The following JAKMIP3 variants were observed in gnomAD, a reference collection of about 807,000 sequenced individuals.
JAKMIP3 encodes janus kinase and microtubule-interacting protein 3.
Under a neutral mutation model 118.5 loss-of-function variants are expected in JAKMIP3, and 58 were observed. That is an observed-to-expected ratio of 0.49 (90% CI 0.40 to 0.61). The LOEUF is 0.61. Among genes scored for constraint, JAKMIP3 ranks in the 20% least tolerant of loss-of-function variants. The probability of loss-of-function intolerance (pLI) is 0.00; values close to 1 mark genes in which losing one functional copy is unlikely to be tolerated. For synonymous variants in JAKMIP3, 486 were observed against 451.2 expected, an observed-to-expected ratio of 1.08 and a Z score of -0.98; for missense variants, 950 against 1,109.0, an observed-to-expected ratio of 0.86 and a Z score of 2.04.
rs1564972200 is a variant in JAKMIP3, at chr10:132,153,748, T to C, written c.2074-11T>C. 6.2e-7 allele frequency: 1 copy of C among 1,612,802 alleles called. No individual in the cohort carries two copies. The highest frequency in any genetic ancestry group is 8.5e-7 in the Non-Finnish European group (1 of 1,179,582). On this transcript the variant is annotated splice_polypyrimidine_tract_variant and intron_variant, in intron 17 of 23. Transcript: ENST00000684848. ...AGGGGTCACTGTCCTGCTTGTTCTG[T>C]TTGTGTCCAGTGGCTCCAGCAGATT...
chr10:132,177,465 T>C (rs1019906406), intron 23 of JAKMIP3, among the ~76,000 whole-genome samples: 2 of 151,330 alleles, frequency 1.3e-5, no homozygotes, highest in Non-Finnish European at 2.9e-5. Context: ...TGCATGTGTG[T>C]GTGCACACTG....
intron 23 of JAKMIP3, among the ~76,000 whole-genome samples, chr10:132,178,013 G>A (rs1219157687): frequency 6.6e-6 from 1 of 151,896 alleles, no homozygotes; most frequent in Non-Finnish European, 1.5e-5. Context: ...TGTGCACACT[G>A]TGCATTTGGT....
At chr10:132,145,938 G>T (rs1371753597) in intron 13 of JAKMIP3, among the ~76,000 whole-genome samples, 1 of 152,234 alleles carries the variant, frequency 6.6e-6, no homozygotes, top group Non-Finnish European at 1.5e-5. Context: ...ATCCCCCTGG[G>T]AAGCCTGGCT....
rs768928174 is a variant in JAKMIP3, at chr10:132,167,067, G to A, written c.*22+12G>A. The A allele has an allele frequency of 3.0e-5, 46 of 1,535,884 alleles. No homozygotes were observed. Among genetic ancestry groups the A allele is most frequent in the East Asian group, 7.4e-5 (3 of 40,808 alleles). ...GGCACCCTGACGTGGTGAGTATTTC[G>A]TTGGCAGGGCCCAGCAGGGGTCCCG... On this transcript the variant is annotated intron_variant, in intron 22 of 23. Transcript: ENST00000684848.
At chr10:132,143,745 G>C (rs1438444057) in intron 11 of JAKMIP3, 2 of 152,198 alleles carry the variant, frequency 1.3e-5, no homozygotes, top group African/African-American at 2.4e-5. Context: ...GATAAGGAAG[G>C]GGGCAGGAGA....
intron 2 of JAKMIP3, among the ~76,000 whole-genome samples, chr10:132,116,221 G>A (rs1039013413): frequency 2.6e-5 from 4 of 152,232 alleles, no homozygotes; most frequent in Non-Finnish European, 4.4e-5. Flanking sequence ...CTTTCAGCGC[G>A]TTACAGATTC....
upstream of JAKMIP3, among the ~76,000 whole-genome samples, chr10:132,064,831 A>G (rs1456974220): frequency 4.6e-5 from 7 of 151,718 alleles, no homozygotes; most frequent in Admixed American, 4.6e-4. The surrounding 1 kb of genome is among the most constrained non-coding windows in gnomAD (Gnocchi z 4.4). Context: ...ATCCTCTGAC[A>G]TGTTATCATC....
chr10:132,074,809 A>G (rs2040517263), intron 1 of JAKMIP3, among the ~76,000 whole-genome samples: 1 of 152,146 alleles, frequency 6.6e-6, no homozygotes, highest in South Asian at 2.1e-4. Flanking sequence ...TATAGTTTTC[A>G]GTCTTACTTT....
At chr10:132,107,815 C>G (rs2046147467) in intron 2 of JAKMIP3, among the ~76,000 whole-genome samples, 1 of 152,246 alleles carries the variant, frequency 6.6e-6, no homozygotes, top group Non-Finnish European at 1.5e-5. Flanking sequence ...GCTGATACTG[C>G]AGCCCTGTAC....
chr10:132,100,812 A>G (rs12355105), intron 1 of JAKMIP3, among the ~76,000 whole-genome samples: 7,016 of 126,918 alleles, frequency 0.055, 341 homozygotes, highest in East Asian at 0.32. Context: ...CGCGCTCCCC[A>G]TTCTCTCTGC....
At chr10:132,062,253 T>A (rs927419101), upstream of JAKMIP3, among the ~76,000 whole-genome samples, 1 of 151,964 alleles carries the variant, frequency 6.6e-6, no homozygotes, top group African/African-American at 2.4e-5. Context: ...GCTTGGGAGG[T>A]GTCGGGAGAC....
chr10:132,067,356 C>T (rs894660625), intron 1 of JAKMIP3, among the ~76,000 whole-genome samples: 4 of 152,162 alleles, frequency 2.6e-5, no homozygotes, highest in Admixed American at 2.6e-4. Context: ...CCTGTGAAAC[C>T]TAAGGGCACG....
At chr10:132,121,621 C>G (rs1179272240) in intron 3 of JAKMIP3, among the ~76,000 whole-genome samples, 2 of 152,170 alleles carry the variant, frequency 1.3e-5, no homozygotes, top group East Asian at 3.9e-4. Flanking sequence ...TGGCCTCCAC[C>G]CCCAGGTGTG....
In JAKMIP3 at chr10:132,153,782, A is replaced by G. The variant is rs1270880046; in HGVS notation, c.2097A>G (p.Thr699=). 1 of 1,613,070 alleles carries G rather than the reference A, an allele frequency of 6.2e-7. No homozygotes were observed. The highest frequency in any genetic ancestry group is 1.7e-5 in the Admixed American group (1 of 60,032). Residue 699 remains threonine, a synonymous_variant, in exon 18 of 24, where the codon ACA becomes ACG. Coordinates refer to ENST00000684848, the MANE Select transcript of JAKMIP3 (RefSeq NM_001323087.2). ...AGTGGCTCCAGCAGATTGAGGAGAC[A>G]GAGGCGGCGCTGCAGCGGAAGATGG... is the stretch of plus-strand genomic sequence containing the variant. The part of the protein sequence containing the change: ...AEKWLQQIEE[T]EAALQRKMVD...
rs978994156 is a variant in JAKMIP3 at position 132,168,724 on chromosome 10, G to A, written c.*794G>A. 15 of 276,386 alleles carry A rather than the reference G, an allele frequency of 5.4e-5. No homozygotes were observed. The highest frequency in any genetic ancestry group is 1.3e-3 in the Middle Eastern group (1 of 756). The allele number at this position is 276,386 out of a possible 1,614,324, so 17.1% of individuals were successfully genotyped here. Reference sequence around the variant, plus strand: ...CTGAGCCAAGGAAGGCGTGGGGAGCGTGGTGACAGGAGGTGGGACGAGGGG... The same window carrying A: ...CTGAGCCAAGGAAGGCGTGGGGAGCATGGTGACAGGAGGTGGGACGAGGGG... On this transcript the variant is annotated 3_prime_UTR_variant, in exon 23 of 24. Coordinates refer to ENST00000684848, the MANE Select transcript of JAKMIP3 (RefSeq NM_001323087.2).
intron 1 of JAKMIP3, among the ~76,000 whole-genome samples, chr10:132,070,655 G>C (rs933679226): frequency 7.2e-5 from 11 of 152,170 alleles, no homozygotes; most frequent in Admixed American, 7.2e-4. Context: ...AACAGACCTT[G>C]GTACCTTCCT....
At chr10:132,064,198 G>T (rs1232337353), upstream of JAKMIP3, among the ~76,000 whole-genome samples, 1 of 152,184 alleles carries the variant, frequency 6.6e-6, no homozygotes, top group African/African-American at 2.4e-5. This position sits in a 1 kb window ranked among gnomAD's most constrained non-coding sequence, Gnocchi z 4.4. Flanking sequence ...CAACACTGCC[G>T]TAAGCATCCC....
At chr10:132,042,211 C>CTTCCTTCCTTCCTTCT (rs1554909356) in intron 1 of JAKMIP3, among the ~76,000 whole-genome samples, 1 of 150,386 alleles carries the variant, frequency 6.6e-6, no homozygotes, top group Non-Finnish European at 1.5e-5. Context: ...TCCTTCCTTC[C>CTTCCTTCCTTCCTTCT]TTCCTTCTTT....
chr10:132,116,386 A>G (rs531729192), intron 2 of JAKMIP3, among the ~76,000 whole-genome samples: 203 of 137,502 alleles, frequency 1.5e-3, no homozygotes, highest in African/African-American at 5.4e-3. Context: ...TGTGTGCATC[A>G]TGGACACTCC....
Sources: allele counts gnomAD v4.1 joint callset (sites outside exome capture counted in the v4.1 genomes callset), GRCh38; gene constraint gnomAD v4.1.1; non-coding constraint Gnocchi (gnomAD v3.1); transcripts MANE v1.5; gene names NCBI Gene and HGNC (gene_info 2026-07-23, HGNC 2026-07-21).